TAOK3: variants seen among roughly 807,000 people sequenced by gnomAD.
The protein encoded by TAOK3 is TAO kinase 3.
Under a neutral mutation model 120.4 loss-of-function variants are expected in TAOK3, and 40 were observed. That is an observed-to-expected ratio of 0.33 (90% CI 0.26 to 0.43). The LOEUF (loss-of-function observed/expected upper bound fraction) is 0.43, where lower values mean the gene tolerates loss of function less well. Ranked by LOEUF, TAOK3 falls within the 20% of genes least tolerant of loss-of-function variation. The probability of loss-of-function intolerance (pLI) is 1.00; values close to 1 mark genes in which losing one functional copy is unlikely to be tolerated. For missense variants in TAOK3, 821 were observed against 1,112.1 expected, an observed-to-expected ratio of 0.74 and a Z score of 3.72; for synonymous variants, 355 against 387.5, an observed-to-expected ratio of 0.92 and a Z score of 0.99.
At chr12:118,223,130 C>T (rs1447784605) in intron 9 of TAOK3, among the ~76,000 whole-genome samples, 3 of 141,176 alleles carry the variant, frequency 2.1e-5, no homozygotes, top group African/African-American at 5.5e-5. Flanking sequence ...AGTGCAGCGG[C>T]GTGATCTCGG....
intron 1 of TAOK3, among the ~76,000 whole-genome samples, chr12:118,327,267 C>A (rs1336408823): frequency 1.3e-5 from 2 of 152,096 alleles, no homozygotes; most frequent in African/African-American, 4.8e-5. Flanking sequence ...TCAAGTAACT[C>A]CCACAAGAAT....
chr12:118,155,005 A>T lies in TAOK3; in HGVS notation c.2353-2596T>A, dbSNP rs533118371. On this transcript the variant is annotated intron_variant, in intron 19 of 20. Transcript: ENST00000392533. ...CCTGGTTTTGTAAATATATATATAT[A>T]TTTTTTTTTGAGATGGAGTCTCACT... Among the ~76,000 whole-genome samples the T allele has an allele frequency of 1.9e-3, 272 of 141,404 alleles. 2 individuals carry two copies. Among genetic ancestry groups the T allele is most frequent in the Admixed American group, 8.5e-3 (120 of 14,148 alleles). 92.8% of individuals were successfully genotyped at this position (141,404 alleles called of 152,430 possible). A position where few individuals can be genotyped will look rare whatever the true frequency, so the allele number is the denominator to read the frequency against.
intron 1 of TAOK3, among the ~76,000 whole-genome samples, chr12:118,354,320 AACC>A (rs2045304725): frequency 6.6e-6 from 1 of 152,220 alleles, no homozygotes; most frequent in African/African-American, 2.4e-5. Context: ...TCAATCTGAT[AACC>A]AAGACAACCA....
At chr12:118,299,824 T>A (rs188483523) in intron 1 of TAOK3, among the ~76,000 whole-genome samples, 1 of 152,286 alleles carries the variant, frequency 6.6e-6, no homozygotes, top group Admixed American at 6.5e-5. Context: ...AAGGTTATTT[T>A]ATTTTTTTTT....
chr12:118,243,958 C>T (rs1245365253), intron 4 of TAOK3, among the ~76,000 whole-genome samples: 1 of 152,180 alleles, frequency 6.6e-6, no homozygotes, highest in Non-Finnish European at 1.5e-5. Context: ...GGATCACAGG[C>T]GTGAGACACT....
At position 118,172,574 on chromosome 12, in the gene TAOK3, A is replaced by C. The variant is rs755809949; in HGVS notation, c.1782T>G (p.Ala594=). Residue 594 remains alanine, a synonymous_variant, in exon 17 of 21, where the codon GCT becomes GCG. Transcript: ENST00000392533. ...KHKENLQHTQ[A]EEEAHLLTQQ... ...GAGTGAGAAGGTGGGCTTCCTCTTCAGCCTGTGTGTGCTGCAAGTTCTCTT... is the reference window on the plus strand; with the variant it reads ...GAGTGAGAAGGTGGGCTTCCTCTTCCGCCTGTGTGTGCTGCAAGTTCTCTT... 6.2e-6 allele frequency: 10 copies of C among 1,614,216 alleles called. No homozygotes were observed. Among genetic ancestry groups the C allele is most frequent in the Non-Finnish European group, 8.5e-6 (10 of 1,180,048 alleles).
intron 1 of TAOK3, among the ~76,000 whole-genome samples, chr12:118,348,949 C>T (rs539200219): frequency 9.3e-5 from 14 of 149,900 alleles, no homozygotes; most frequent in South Asian, 4.2e-4. Context: ...AGTGCAGTGG[C>T]GCGTTCTTGG....
intron 1 of TAOK3, among the ~76,000 whole-genome samples, chr12:118,271,712 G>A (rs906290973): frequency 3.3e-5 from 5 of 151,962 alleles, no homozygotes; most frequent in African/African-American, 1.2e-4. Flanking sequence ...TGGGCCCTAC[G>A]GCTTCTTTAA....
intron 1 of TAOK3, among the ~76,000 whole-genome samples, chr12:118,322,394 T>C (rs1005517685): frequency 6.6e-6 from 1 of 151,814 alleles, no homozygotes; most frequent in Admixed American, 6.6e-5. Flanking sequence ...TAATTATTTC[T>C]CCTCAAATTA....
At chr12:118,181,289 C>G in intron 15 of TAOK3, 82 bp downstream of exon 15, 2 of 1,236,338 alleles carry the variant, frequency 1.6e-6, no homozygotes, top group Non-Finnish European at 2.3e-6. Context: ...ATCCCCCACT[C>G]CTGCCTCTTG....
chr12:118,348,891 C>A (rs2045006659), intron 1 of TAOK3, among the ~76,000 whole-genome samples: 1 of 148,340 alleles, frequency 6.7e-6, no homozygotes, highest in African/African-American at 2.5e-5. Flanking sequence ...TCTTGTTGCC[C>A]GGGTCTCACT....
At chr12:118,191,676 A>T (rs1313261834) in intron 13 of TAOK3, among the ~76,000 whole-genome samples, 1 of 152,170 alleles carries the variant, frequency 6.6e-6, no homozygotes, top group African/African-American at 2.4e-5. Flanking sequence ...TTTTACAGGG[A>T]AGAGCGAGAA....
chr12:118,352,531 C>CAT (rs201981089), intron 1 of TAOK3, among the ~76,000 whole-genome samples: 2,103 of 151,710 alleles, frequency 0.014, 50 homozygotes, highest in African/African-American at 0.048. Context: ...TATATATACA[C>CAT]ATATATATAC....
intron 1 of TAOK3, among the ~76,000 whole-genome samples, chr12:118,321,961 T>C (rs930146696): frequency 1.3e-5 from 2 of 151,914 alleles, no homozygotes; most frequent in African/African-American, 4.8e-5. Context: ...CAGGAGTAAA[T>C]TTAAAAGCAA....
chr12:118,360,880 A>G (rs764273937), intron 1 of TAOK3, among the ~76,000 whole-genome samples: 3 of 152,206 alleles, frequency 2.0e-5, no homozygotes, highest in African/African-American at 4.8e-5. Context: ...AAACTGTCAC[A>G]CAAAAGTAGT....
rs1210619475 is a variant in TAOK3 at position 118,177,320 on chromosome 12, C to T, written c.1576G>A (p.Ala526Thr). 11 of 1,613,312 alleles carry T rather than the reference C, an allele frequency of 6.8e-6. No individual in the cohort carries two copies. Among genetic ancestry groups the T allele is most frequent in the Non-Finnish European group, 7.6e-6 (9 of 1,179,928 alleles). ...TGGAACTTCTTCTCATCTGCTGCAG[C>T]TACCTTTGCCTGATAAAATAACAAA... ...VAIIEKEAKV[A>T]AADEKKFQQQ... The change falls in exon 16 of 21, where the codon GCT (alanine) becomes ACT (threonine). Residue 526 changes from alanine to threonine, a missense_variant. This residue lies in a region of TAOK3 where 354 missense variants were observed against 572.1 expected (regional missense o/e 0.62). Coordinates refer to ENST00000392533, the MANE Select transcript of TAOK3 (RefSeq NM_016281.4).
chr12:118,280,627 A>G (rs1748812794), intron 1 of TAOK3, among the ~76,000 whole-genome samples: 1 of 152,138 alleles, frequency 6.6e-6, no homozygotes, highest in Non-Finnish European at 1.5e-5. Flanking sequence ...GTAACAGGTA[A>G]TGTGATGCTT....
chr12:118,326,151 A>G (rs1215878454), intron 1 of TAOK3, among the ~76,000 whole-genome samples: 1 of 152,190 alleles, frequency 6.6e-6, no homozygotes, highest in Non-Finnish European at 1.5e-5. Flanking sequence ...CAGGTCTTAG[A>G]TTTAAATCTT....
intron 14 of TAOK3, among the ~76,000 whole-genome samples, chr12:118,187,598 T>A (rs2037153377): frequency 6.9e-6 from 1 of 145,140 alleles, no homozygotes; most frequent in Non-Finnish European, 1.5e-5. Context: ...TCCCTTCCAT[T>A]TTTTTTCCCC....
Sources: allele counts gnomAD v4.1 joint callset (sites outside exome capture counted in the v4.1 genomes callset), GRCh38; gene constraint gnomAD v4.1.1; regional missense constraint gnomAD v4.1.1; transcripts MANE v1.5; gene names NCBI Gene and HGNC (gene_info 2026-07-23, HGNC 2026-07-21).